SEMA3D: variants seen among roughly 807,000 people sequenced by gnomAD.
The protein encoded by SEMA3D is semaphorin 3D.
A neutral mutation model predicts 100.1 loss-of-function variants in SEMA3D; 84 were observed. The observed-to-expected ratio is 0.84, with a 90% CI of 0.70 to 1.01. The LOEUF is 1.01. Among genes scored for constraint, SEMA3D ranks in the 50% least tolerant of loss-of-function variants. The pLI, the probability that SEMA3D is intolerant of heterozygous loss-of-function variation, is 0.00. For missense variants in SEMA3D, 875 were observed against 934.1 expected (o/e 0.94, Z 0.82); for synonymous variants, 312 against 320.7 (o/e 0.97, Z 0.29).
the SEMA3D span, among the ~76,000 whole-genome samples, chr7:85,201,019 G>A: frequency 2.0e-5 from 3 of 151,892 alleles, no homozygotes; most frequent in Non-Finnish European, 4.4e-5. Context: ...GCAATAATAG[G>A]TAATTTTGTA....
At chr7:85,125,902 G>A (rs1175501113) in intron 2 of SEMA3D, among the ~76,000 whole-genome samples, 1 of 151,822 alleles carries the variant, frequency 6.6e-6, no homozygotes, top group Non-Finnish European at 1.5e-5. Flanking sequence ...GAAATGCATA[G>A]GTTATACTGC....
chr7:85,190,716 C>T (rs901012395), upstream of SEMA3D, among the ~76,000 whole-genome samples: 4 of 152,056 alleles, frequency 2.6e-5, no homozygotes, highest in African/African-American at 9.7e-5. Context: ...GAAGTAAATG[C>T]ATCCCTGCTT....
intron 17 of SEMA3D, among the ~76,000 whole-genome samples, chr7:85,007,250 T>A (rs1789824867): frequency 6.6e-6 from 1 of 151,880 alleles, no homozygotes; most frequent in African/African-American, 2.4e-5. Context: ...GCTGAATAAA[T>A]CTTTTGCATC....
At chr7:85,004,107 C>T (rs966093230) in intron 18 of SEMA3D, among the ~76,000 whole-genome samples, 3 of 151,482 alleles carry the variant, frequency 2.0e-5, no homozygotes, top group Admixed American at 6.6e-5. Context: ...TGGATAACTA[C>T]GGCATCAGGG....
At chr7:85,051,541 C>G (rs1791165340) in intron 9 of SEMA3D, among the ~76,000 whole-genome samples, 1 of 151,888 alleles carries the variant, frequency 6.6e-6, no homozygotes, top group South Asian at 2.1e-4. Context: ...TGGATTCTAT[C>G]CTTGCCCTTT....
intron 6 of SEMA3D, among the ~76,000 whole-genome samples, chr7:85,068,712 C>T (rs994690865): frequency 6.6e-6 from 1 of 152,072 alleles, no homozygotes; most frequent in Non-Finnish European, 1.5e-5. Context: ...ATTTATATAA[C>T]TAAGCATCTT....
At chr7:85,216,633 A>G in the SEMA3D span, among the ~76,000 whole-genome samples, 2 of 151,968 alleles carry the variant, frequency 1.3e-5, no homozygotes, top group Non-Finnish European at 2.9e-5. Flanking sequence ...ATGTGCTGGT[A>G]GTTTTTCCCA....
the SEMA3D span, among the ~76,000 whole-genome samples, chr7:85,217,238 T>C: frequency 6.6e-6 from 1 of 152,048 alleles, no homozygotes; most frequent in Non-Finnish European, 1.5e-5. Flanking sequence ...TTGTGCTTAT[T>C]TGTGTTCTGT....
chr7:85,049,280 C>T (rs1416910740), intron 9 of SEMA3D, among the ~76,000 whole-genome samples: 2 of 151,124 alleles, frequency 1.3e-5, no homozygotes, highest in Non-Finnish European at 3.0e-5. Context: ...GAAAAATACA[C>T]CTAGTATTTA....
At chr7:85,117,864 T>C (rs150348554) in intron 3 of SEMA3D, among the ~76,000 whole-genome samples, 3 of 150,988 alleles carry the variant, frequency 2.0e-5, no homozygotes, top group Middle Eastern at 3.5e-3. Flanking sequence ...ATAATACATA[T>C]AGATATAAAA....
chr7:85,022,695 G>T, intron 12 of SEMA3D, 82 bp from the exon 13 acceptor site: 1 of 847,820 alleles, frequency 1.2e-6, no homozygotes, highest in Non-Finnish European at 2.0e-6. Context: ...AATTTGTATA[G>T]CTTATCATCA....
At chr7:85,240,510 G>A in the SEMA3D span, among the ~76,000 whole-genome samples, 7 of 152,052 alleles carry the variant, frequency 4.6e-5, no homozygotes, top group Admixed American at 1.3e-4. Context: ...CTCATACAAT[G>A]AGTTTGGAAG....
At chr7:85,021,468 C>G (rs1446852067) in intron 13 of SEMA3D, among the ~76,000 whole-genome samples, 1 of 151,762 alleles carries the variant, frequency 6.6e-6, no homozygotes, top group Non-Finnish European at 1.5e-5. Flanking sequence ...GTGGAATTGC[C>G]ATCTTCAAAA....
chr7:85,038,606 C>T (rs1189042776), intron 11 of SEMA3D, among the ~76,000 whole-genome samples: 1 of 152,114 alleles, frequency 6.6e-6, no homozygotes, highest in Non-Finnish European at 1.5e-5. Context: ...GAGAAAAAAA[C>T]GAACTATCTT....
chr7:85,208,594 A>G, the SEMA3D span, among the ~76,000 whole-genome samples: 1 of 152,076 alleles, frequency 6.6e-6, no homozygotes, highest in Non-Finnish European at 1.5e-5. Flanking sequence ...ATATAAATTC[A>G]GCAGATCCTT....
At chr7:85,012,578 T>G (rs191236863) in intron 17 of SEMA3D, among the ~76,000 whole-genome samples, 2 of 151,760 alleles carry the variant, frequency 1.3e-5, no homozygotes, top group African/African-American at 4.8e-5. Context: ...ATGAAACAAA[T>G]AATGATATAA....
chr7:85,241,397 A>G, the SEMA3D span, among the ~76,000 whole-genome samples: 1 of 149,788 alleles, frequency 6.7e-6, no homozygotes, highest in Non-Finnish European at 1.5e-5. Flanking sequence ...AGCACAGTTC[A>G]CAATTGCAAA....
In SEMA3D at chr7:84,996,779, A is replaced by T. The variant is rs982070074; in HGVS notation, c.*2661T>A. ...TTTTAAGATCCCCTCCGCAGAGTCA[A>T]TTTCTTAGCATATTTGAAACCATTA... is the stretch of plus-strand genomic sequence containing the variant. On this transcript the variant is annotated 3_prime_UTR_variant, in exon 19 of 19. Transcript: ENST00000284136. The T allele has an allele frequency of 6.6e-6, 1 of 152,010 alleles. No individual in the cohort carries two copies. The highest frequency in any genetic ancestry group is 1.5e-5 in the Non-Finnish European group (1 of 67,888). The allele number at this position is 152,010 out of a possible 1,614,324, so 9.4% of individuals were successfully genotyped here.
chr7:85,102,074 C>A (rs1788763429), intron 3 of SEMA3D, among the ~76,000 whole-genome samples: 1 of 151,778 alleles, frequency 6.6e-6, no homozygotes, highest in Non-Finnish European at 1.5e-5. Context: ...AGTGTGGAAC[C>A]AGTTATGTAT....
Sources: gnomAD v4.1 joint callset for allele counts (sites outside exome capture counted in the v4.1 genomes callset) on GRCh38, gnomAD v4.1.1 for gene constraint, MANE v1.5 for transcripts, NCBI Gene and HGNC (gene_info 2026-07-23, HGNC 2026-07-21) for gene names.